The following THRB variants were observed in gnomAD, a reference collection of about 807,000 sequenced individuals.
THRB encodes the protein nuclear receptor subfamily 1 group A member 2.
THRB carries 12 observed loss-of-function variants against 47.8 expected under a neutral mutation model. The ratio of observed to expected loss-of-function variants is 0.25; its 90% CI spans 0.16 to 0.41. The LOEUF (loss-of-function observed/expected upper bound fraction) is 0.41. THRB is among the 10% of genes least tolerant of loss of function. The probability of loss-of-function intolerance (pLI) is 1.00; values close to 1 mark genes in which losing one functional copy is unlikely to be tolerated. For synonymous variants in THRB, 218 were observed against 212.2 expected, an observed-to-expected ratio of 1.03 and a Z score of -0.24; for missense variants, 348 against 589.2, an observed-to-expected ratio of 0.59 and a Z score of 4.24.
chr3:24,117,187 G>A lies in THRB; in HGVS notation c.*5697C>T, dbSNP rs1296445336. ...AAGGTGTTTATTTGGTTCATGTCCT[G>A]GCCAAATAAAAACTTGGAGATGAGC... On this transcript the variant is annotated 3_prime_UTR_variant, in exon 11 of 11. Coordinates refer to ENST00000646209, the MANE Select transcript of THRB (RefSeq NM_001354712.2). 2 of 152,172 alleles carry A rather than the reference G, an allele frequency of 1.3e-5. No individual in the cohort carries two copies. Among genetic ancestry groups the A allele is most frequent in the Non-Finnish European group, 2.9e-5 (2 of 68,050 alleles). 9.4% of individuals were successfully genotyped at this position (152,172 alleles called of 1,614,324 possible).
At chr3:24,483,439 A>G (rs1449268144) in intron 1 of THRB, among the ~76,000 whole-genome samples, 3 of 152,116 alleles carry the variant, frequency 2.0e-5, no homozygotes, top group Non-Finnish European at 4.4e-5. Context: ...CTGTCAACAT[A>G]CCAAGAATCA....
chr3:24,266,555 A>C (rs1336904636), intron 3 of THRB, among the ~76,000 whole-genome samples: 2 of 152,144 alleles, frequency 1.3e-5, no homozygotes, highest in Non-Finnish European at 2.9e-5. Flanking sequence ...CTCTGACCCA[A>C]ATTAGTGAAA....
At chr3:24,130,791 A>T (rs566914520) in intron 9 of THRB, among the ~76,000 whole-genome samples, 35 of 152,336 alleles carry the variant, frequency 2.3e-4, no homozygotes, top group African/African-American at 7.9e-4. Flanking sequence ...CTTCAGACAT[A>T]GTCAGTGATG....
At chr3:24,318,534 T>C (rs1352938064) in intron 2 of THRB, 1 of 152,232 alleles carries the variant, frequency 6.6e-6, no homozygotes, top group Admixed American at 6.5e-5. Context: ...TTTATCACAT[T>C]GCATGACAAT....
intron 1 of THRB, among the ~76,000 whole-genome samples, chr3:24,422,016 T>C (rs1483347698): frequency 6.6e-6 from 1 of 151,996 alleles, no homozygotes; most frequent in Non-Finnish European, 1.5e-5. Context: ...AAGTAGCATT[T>C]ATGTGTCTGT....
chr3:24,464,028 C>T (rs1293916890), intron 1 of THRB, among the ~76,000 whole-genome samples: 2 of 152,080 alleles, frequency 1.3e-5, no homozygotes, highest in Non-Finnish European at 2.9e-5. Context: ...GGGCGGATCA[C>T]GAGGTCAGGA....
At chr3:24,450,408 G>A (rs1423420498) in intron 1 of THRB, among the ~76,000 whole-genome samples, 1 of 152,140 alleles carries the variant, frequency 6.6e-6, no homozygotes, top group Non-Finnish European at 1.5e-5. Flanking sequence ...ATTTACTTAC[G>A]AGTGTCAAAG....
At chr3:24,190,408 AG>A in intron 4 of THRB, 74 bp from the exon 5 acceptor site, 1 of 1,582,152 alleles carries the variant, frequency 6.3e-7, no homozygotes, top group Non-Finnish European at 8.7e-7. Flanking sequence ...GAGTTTTGGA[AG>A]GCAAGTTGTT....
chr3:24,287,189 A>G (rs932648692), intron 3 of THRB, among the ~76,000 whole-genome samples: 3 of 152,118 alleles, frequency 2.0e-5, no homozygotes, highest in African/African-American at 7.2e-5. Flanking sequence ...TTGCCACTGA[A>G]TAACTCTGTT....
At chr3:24,145,912 T>C (rs2036022282) in intron 7 of THRB, among the ~76,000 whole-genome samples, 1 of 152,220 alleles carries the variant, frequency 6.6e-6, no homozygotes, top group Non-Finnish European at 1.5e-5. Flanking sequence ...TTAATACTGA[T>C]GCCTGGCAAA....
intron 1 of THRB, among the ~76,000 whole-genome samples, chr3:24,428,275 T>C (rs929349046): frequency 3.9e-5 from 6 of 152,040 alleles, no homozygotes; most frequent in African/African-American, 4.8e-5. Context: ...AGCTAAGCAC[T>C]GAACATTGAC....
chr3:24,193,442 G>T (rs2043590081), intron 4 of THRB, among the ~76,000 whole-genome samples: 1 of 152,176 alleles, frequency 6.6e-6, no homozygotes, highest in Admixed American at 6.5e-5. Context: ...TTTAAGGTAA[G>T]AAAATAAATT....
At chr3:24,310,584 T>C (rs182454478) in intron 2 of THRB, among the ~76,000 whole-genome samples, 2 of 152,314 alleles carry the variant, frequency 1.3e-5, no homozygotes, top group Admixed American at 6.5e-5. Context: ...TTTGCAGTTC[T>C]AACAAGTTTT....
At chr3:24,309,364 GGA>G (rs2057587381) in intron 2 of THRB, among the ~76,000 whole-genome samples, 5 of 152,102 alleles carry the variant, frequency 3.3e-5, no homozygotes, top group Admixed American at 2.6e-4. Flanking sequence ...GCTAATTAAA[GGA>G]ACAATCACAA....
intron 10 of THRB, 52 bp from the exon 11 acceptor site, chr3:24,123,177 C>A: frequency 2.5e-6 from 4 of 1,610,858 alleles, no homozygotes; most frequent in Non-Finnish European, 3.4e-6. Flanking sequence ...AGGGGGAAGG[C>A]TTGCTTTGTC....
At chr3:24,275,038 A>G (rs1298990481) in intron 3 of THRB, among the ~76,000 whole-genome samples, 1 of 152,236 alleles carries the variant, frequency 6.6e-6, no homozygotes, top group East Asian at 1.9e-4. Flanking sequence ...GAGAAAGAGC[A>G]AAGAAGCAAG....
intron 3 of THRB, among the ~76,000 whole-genome samples, chr3:24,286,303 C>G (rs568872479): frequency 1.3e-5 from 2 of 152,180 alleles, no homozygotes; most frequent in Non-Finnish European, 2.9e-5. Flanking sequence ...TACCAACATG[C>G]TTTCATAAAA....
rs73136699 is a variant in THRB, at chr3:24,143,977, C to G, written c.533-271G>C. On this transcript the variant is annotated intron_variant, in intron 7 of 10. Transcript: ENST00000646209. ...AGAACCTAGACACTGCGCACTCCAA[C>G]TCCACAGAAGGTGGTTCTAAAACAG... The G allele has an allele frequency of 6.5e-3, 3,346 of 512,332 alleles. 89 individuals are homozygous for G. Among genetic ancestry groups the G allele is most frequent in the African/African-American group, 0.057 (2,946 of 51,978 alleles). 31.7% of individuals were successfully genotyped at this position (512,332 alleles called of 1,614,324 possible). A position where few individuals can be genotyped will look rare whatever the true frequency, so the allele number is the denominator to read the frequency against.
At chr3:24,229,179 C>T (rs1434085883) in intron 3 of THRB, among the ~76,000 whole-genome samples, 178 bp from the exon 4 acceptor site, 1 of 152,144 alleles carries the variant, frequency 6.6e-6, no homozygotes, top group African/African-American at 2.4e-5. Flanking sequence ...TTTGTAAGAC[C>T]TCTTAATTTT....
Sources: gnomAD v4.1 joint callset for allele counts (sites outside exome capture counted in the v4.1 genomes callset) on GRCh38, gnomAD v4.1.1 for gene constraint, MANE v1.5 for transcripts, NCBI Gene and HGNC (gene_info 2026-07-23, HGNC 2026-07-21) for gene names.